SSU72: variants seen among roughly 807,000 people sequenced by gnomAD.
The protein encoded by SSU72 is RNA polymerase II subunit A C-terminal domain phosphatase SSU72.
Under a neutral mutation model 22.7 loss-of-function variants are expected in SSU72, and 12 were observed. The ratio of observed to expected loss-of-function variants is 0.53; its 90% CI spans 0.34 to 0.86. The LOEUF is 0.86. SSU72 is among the 40% of genes least tolerant of loss of function. SSU72 has a pLI of 0.02. For synonymous variants in SSU72, 116 were observed against 98.3 expected (o/e 1.18, Z -1.06); for missense variants, 151 against 249.8 (o/e 0.60, Z 2.67).
chr1:1,542,286 G>T lies in SSU72; in HGVS notation c.484-119C>A. On this transcript the variant is annotated intron_variant, in intron 4 of 4. Transcript: ENST00000291386. The surrounding 1 kb of genome is among the most constrained non-coding windows in gnomAD (Gnocchi z 4.4). ...CAGCAGAAACCAGCGCAGCAGGCAG[G>T]CCCTCACCCCACCGCTGCTGCCTCA... 1 of 940,982 alleles carries T rather than the reference G, an allele frequency of 1.1e-6. No individual in the cohort carries two copies. The highest frequency in any genetic ancestry group is 1.6e-6 in the Non-Finnish European group (1 of 620,128). The allele number at this position is 940,982 out of a possible 1,614,324, so 58.3% of individuals were successfully genotyped here.
At chr1:1,547,030 CAAA>C (rs1390036873) in intron 2 of SSU72, among the ~76,000 whole-genome samples, 1 of 151,890 alleles carries the variant, frequency 6.6e-6, no homozygotes, top group East Asian at 1.9e-4. Flanking sequence ...GACACCGTCT[CAAA>C]AAGAAAAGAA....
chr1:1,553,202 G>A (rs1057163675), intron 2 of SSU72, among the ~76,000 whole-genome samples: 1 of 152,034 alleles, frequency 6.6e-6, no homozygotes, highest in Non-Finnish European at 1.5e-5. Context: ...ATCTGTAACC[G>A]CAGCCTCACC....
At chr1:1,572,752 C>A (rs1570403078) in intron 1 of SSU72, among the ~76,000 whole-genome samples, 1 of 151,388 alleles carries the variant, frequency 6.6e-6, no homozygotes, top group African/African-American at 2.4e-5. Context: ...CCACTGCGCC[C>A]GGCCTACTCC....
intron 2 of SSU72, among the ~76,000 whole-genome samples, chr1:1,548,649 G>A (rs1642421658): frequency 6.6e-6 from 1 of 152,144 alleles, no homozygotes; most frequent in Admixed American, 6.5e-5. Context: ...CTGGGGGTGG[G>A]TGCAGTGGGC....
intron 1 of SSU72, among the ~76,000 whole-genome samples, chr1:1,573,429 C>CAAAAAAAAAAAAAAAAAAAAAA (rs56930035): frequency 9.3e-6 from 1 of 107,450 alleles, no homozygotes; most frequent in Non-Finnish European, 2.6e-5. Context: ...GACTCTGTCT[C>CAAAAAAAAAAAAAAAAAAAAAA]AAAAAAAAAA....
chr1:1,553,828 G>A (rs1175677161), intron 2 of SSU72, among the ~76,000 whole-genome samples: 1 of 150,146 alleles, frequency 6.7e-6, no homozygotes, highest in Non-Finnish European at 1.5e-5. Flanking sequence ...GCTGACAGAC[G>A]AACTGGAGCA....
chr1:1,574,585 C>G lies in SSU72; in HGVS notation c.-28G>C, dbSNP rs777211241. 5.7e-6 allele frequency: 9 copies of G among 1,575,848 alleles called. No individual in the cohort carries two copies. Among genetic ancestry groups the G allele is most frequent in the Middle Eastern group, 1.7e-4 (1 of 5,898 alleles). On this transcript the variant is annotated 5_prime_UTR_variant, in exon 1 of 5. Coordinates refer to ENST00000291386, the MANE Select transcript of SSU72 (RefSeq NM_014188.3). Reference sequence around the variant, plus strand: ...CGGCGGCCGCAAATCCCGCGGCTCTCCCGCTTGGGTTCCCACCCTACCGCG... The same window carrying G: ...CGGCGGCCGCAAATCCCGCGGCTCTGCCGCTTGGGTTCCCACCCTACCGCG...
chr1:1,564,930 G>A lies in SSU72; in HGVS notation c.81-14C>T, dbSNP rs750289251. The A allele has an allele frequency of 8.2e-6, 13 of 1,580,332 alleles. No individual in the cohort carries two copies. The South Asian group carries it at 1.5e-4, about 18-fold the overall frequency. ...AATCCCCGTTTGCTGAAAGACAAAA[G>A]GAGAGAAAGAATCACAGTCACACTA... On this transcript the variant is annotated splice_polypyrimidine_tract_variant and intron_variant, in intron 1 of 4. Transcript: ENST00000291386.
In SSU72 at chr1:1,554,554, C is replaced by T. The variant is rs889253575; in HGVS notation, c.225-9552G>A. On this transcript the variant is annotated intron_variant, in intron 2 of 4. Transcript: ENST00000291386. The surrounding 1 kb of genome is among the most constrained non-coding windows in gnomAD (Gnocchi z 4.1). ...GTTTTCTCTTTTCACTCCCTAGGGG[C>T]CTTAGTGGGACCAGAACATCCCGGG... Among the ~76,000 whole-genome samples the T allele has an allele frequency of 1.3e-5, 2 of 152,198 alleles. No homozygotes were observed. The highest frequency in any genetic ancestry group is 4.8e-5 in the African/African-American group (2 of 41,454).
At chr1:1,560,134 G>A (rs1254116051) in intron 2 of SSU72, among the ~76,000 whole-genome samples, 2 of 152,158 alleles carry the variant, frequency 1.3e-5, no homozygotes, top group African/African-American at 4.8e-5. Context: ...TTACAGGTGT[G>A]AGCCACTGCA....
intron 1 of SSU72, among the ~76,000 whole-genome samples, chr1:1,570,284 A>G (rs1430906245): frequency 2.8e-5 from 3 of 107,904 alleles, no homozygotes; most frequent in Admixed American, 9.5e-5. Flanking sequence ...CTCTGGCTTG[A>G]AAAAAAAAAC....
intron 2 of SSU72, among the ~76,000 whole-genome samples, chr1:1,560,553 G>A (rs192926258): frequency 6.6e-6 from 1 of 152,316 alleles, no homozygotes; most frequent in East Asian, 1.9e-4. Context: ...CTCACTTCTG[G>A]CTTGTGGGGG....
intron 2 of SSU72, chr1:1,564,478 C>T (rs1054608376): frequency 1.4e-6 from 2 of 1,476,800 alleles, no homozygotes; most frequent in African/African-American, 2.8e-5. Flanking sequence ...GTGGGTTCCA[C>T]CTCCTCACCT....
chr1:1,551,230 G>A (rs887318545), intron 2 of SSU72, among the ~76,000 whole-genome samples: 2 of 152,194 alleles, frequency 1.3e-5, no homozygotes, highest in Non-Finnish European at 2.9e-5. Flanking sequence ...GCTGCGGGAG[G>A]TATAAATAGC....
chr1:1,564,610 G>A, intron 2 of SSU72, 163 bp downstream of exon 2: 1 of 1,612,834 alleles, frequency 6.2e-7, no homozygotes, highest in Non-Finnish European at 8.5e-7. Flanking sequence ...CTAACCCGTG[G>A]ACGATCCGAC....
chr1:1,572,413 C>T (rs1267359520), intron 1 of SSU72, among the ~76,000 whole-genome samples: 4 of 148,888 alleles, frequency 2.7e-5, no homozygotes, highest in African/African-American at 9.9e-5. Context: ...GGGCTACAGA[C>T]TCCCCCTCAA....
intron 2 of SSU72, among the ~76,000 whole-genome samples, chr1:1,547,863 C>T (rs1642410855): frequency 6.6e-6 from 1 of 152,224 alleles, no homozygotes; most frequent in African/African-American, 2.4e-5. Context: ...GGAACAGAAA[C>T]CTGTCCCATC....
Position 1,542,276 on chromosome 1 carries a change from C to A in SSU72, c.484-109G>T, listed in dbSNP as rs548952190. The A allele has an allele frequency of 1.9e-6, 2 of 1,071,580 alleles. No individual in the cohort carries two copies. Among genetic ancestry groups the A allele is most frequent in the South Asian group, 2.9e-5 (2 of 69,614 alleles). 66.4% of individuals were successfully genotyped at this position (1,071,580 alleles called of 1,614,324 possible). On this transcript the variant is annotated intron_variant, in intron 4 of 4. Coordinates refer to ENST00000291386, the MANE Select transcript of SSU72 (RefSeq NM_014188.3). The surrounding 1 kb of genome is among the most constrained non-coding windows in gnomAD (Gnocchi z 4.4). Reference sequence around the variant, plus strand: ...AGGCCTGAGCCAGCAGAAACCAGCGCAGCAGGCAGGCCCTCACCCCACCGC... The same window carrying A: ...AGGCCTGAGCCAGCAGAAACCAGCGAAGCAGGCAGGCCCTCACCCCACCGC...
chr1:1,567,912 C>CAAAA (rs71574349), intron 1 of SSU72, among the ~76,000 whole-genome samples: 4 of 98,360 alleles, frequency 4.1e-5, no homozygotes, highest in African/African-American at 1.7e-4. Context: ...TACTCTGTTT[C>CAAAA]AAAAAAAAAA....
Sources: gnomAD v4.1 joint callset for allele counts (sites outside exome capture counted in the v4.1 genomes callset) on GRCh38, gnomAD v4.1.1 for gene constraint, Gnocchi (gnomAD v3.1) non-coding constraint, MANE v1.5 for transcripts, NCBI Gene and HGNC (gene_info 2026-07-23, HGNC 2026-07-21) for gene names.